TMTC1: variants seen among roughly 807,000 people sequenced by gnomAD.
TMTC1 encodes the protein transmembrane O-mannosyltransferase targeting cadherins 1, also known as protein O-mannosyl-transferase TMTC1.
Under a neutral mutation model 104.8 loss-of-function variants are expected in TMTC1, and 73 were observed. The observed-to-expected ratio is 0.70, with a 90% CI of 0.58 to 0.85. TMTC1 has a LOEUF of 0.85. Ranked by LOEUF, TMTC1 falls within the 40% of genes least tolerant of loss-of-function variation. The pLI is 0.00. For synonymous variants in TMTC1, 434 were observed against 428.7 expected, an observed-to-expected ratio of 1.01 and a Z score of -0.15; for missense variants, 1,035 against 1,096.1, an observed-to-expected ratio of 0.94 and a Z score of 0.79.
chr12:29,650,431 T>C (rs1030427361), intron 5 of TMTC1, among the ~76,000 whole-genome samples: 2 of 152,004 alleles, frequency 1.3e-5, no homozygotes, highest in Non-Finnish European at 2.9e-5. Context: ...TCACCTCTCT[T>C]CCTGAGGTGA....
At chr12:29,724,462 C>T (rs944553264) in intron 5 of TMTC1, among the ~76,000 whole-genome samples, 40 of 152,112 alleles carry the variant, frequency 2.6e-4, no homozygotes, top group African/African-American at 9.7e-4. Context: ...TTCACAAAAG[C>T]ACTATTGACA....
At chr12:29,607,120 C>A (rs896577014) in intron 6 of TMTC1, among the ~76,000 whole-genome samples, 2 of 152,200 alleles carry the variant, frequency 1.3e-5, no homozygotes, top group Non-Finnish European at 2.9e-5. Context: ...CACAGGGCTG[C>A]GTGTTCATCT....
At chr12:29,620,993 G>T (rs897133509) in intron 6 of TMTC1, among the ~76,000 whole-genome samples, 3 of 152,218 alleles carry the variant, frequency 2.0e-5, no homozygotes. Flanking sequence ...TGGTCTCCAG[G>T]CAGAACAAGA....
intron 5 of TMTC1, among the ~76,000 whole-genome samples, chr12:29,706,833 T>C (rs1294596372): frequency 6.6e-6 from 1 of 151,604 alleles, no homozygotes. Context: ...TTGTTGGGGG[T>C]GATGAAGGAT....
At chr12:29,722,421 A>G (rs1025825078) in intron 5 of TMTC1, among the ~76,000 whole-genome samples, 2 of 152,228 alleles carry the variant, frequency 1.3e-5, no homozygotes, top group Admixed American at 1.3e-4. Flanking sequence ...ATTACTTGGT[A>G]ACCAATAATA....
chr12:29,638,834 T>C (rs1442065693), intron 5 of TMTC1, among the ~76,000 whole-genome samples: 1 of 152,214 alleles, frequency 6.6e-6, no homozygotes, highest in Non-Finnish European at 1.5e-5. Flanking sequence ...CACTAGGTTT[T>C]GGTGATCTGT....
chr12:29,649,106 G>A (rs1307503802), intron 5 of TMTC1, among the ~76,000 whole-genome samples: 2 of 151,780 alleles, frequency 1.3e-5, no homozygotes, highest in Admixed American at 1.3e-4. Context: ...TCTCCCCTTG[G>A]CTGCAGCCCC....
At chr12:29,572,036 G>A in intron 9 of TMTC1, 69 bp downstream of exon 9, 1 of 1,233,014 alleles carries the variant, frequency 8.1e-7, no homozygotes, top group Non-Finnish European at 1.2e-6. Context: ...CATATACTGG[G>A]AGGGCCAAGT....
chr12:29,736,472 T>G (rs894459978), intron 5 of TMTC1, among the ~76,000 whole-genome samples: 1 of 151,942 alleles, frequency 6.6e-6, no homozygotes, highest in Non-Finnish European at 1.5e-5. Flanking sequence ...CAGGCTGGAG[T>G]GCAGTGGCGC....
At chr12:29,613,506 A>G (rs1447868092) in intron 6 of TMTC1, among the ~76,000 whole-genome samples, 1 of 152,204 alleles carries the variant, frequency 6.6e-6, no homozygotes, top group East Asian at 1.9e-4. Context: ...CTGTGGCACA[A>G]GTAATGCCAC....
intron 6 of TMTC1, among the ~76,000 whole-genome samples, chr12:29,616,806 G>A (rs745651499): frequency 6.6e-6 from 1 of 152,038 alleles, no homozygotes; most frequent in Non-Finnish European, 1.5e-5. Context: ...GCATAGTGGT[G>A]GCTCCAGCTG....
At chr12:29,510,628 C>T (rs1402755515) in intron 17 of TMTC1, among the ~76,000 whole-genome samples, 2 of 152,088 alleles carry the variant, frequency 1.3e-5, no homozygotes, top group East Asian at 1.9e-4. Context: ...TTTGTGTAAT[C>T]GTAGGTCATC....
intron 6 of TMTC1, among the ~76,000 whole-genome samples, chr12:29,620,598 T>C (rs1947106425): frequency 6.6e-6 from 1 of 152,248 alleles, no homozygotes; most frequent in Non-Finnish European, 1.5e-5. Context: ...TCTTTAAATA[T>C]GTTCCATTTT....
intron 4 of TMTC1, among the ~76,000 whole-genome samples, chr12:29,754,664 C>T (rs927576873): frequency 3.3e-5 from 5 of 152,138 alleles, no homozygotes; most frequent in African/African-American, 7.2e-5. Context: ...CTCTGGCTCA[C>T]GGTTTTCTTG....
At chr12:29,734,627 T>C (rs1212403914) in intron 5 of TMTC1, among the ~76,000 whole-genome samples, 1 of 152,244 alleles carries the variant, frequency 6.6e-6, no homozygotes, top group Admixed American at 6.5e-5. Flanking sequence ...CAAAATACTT[T>C]AAGAATATAC....
chr12:29,529,920 T>G (rs992240641), intron 11 of TMTC1: 1 of 152,138 alleles, frequency 6.6e-6, no homozygotes, highest in Non-Finnish European at 1.5e-5. Context: ...GTGACCACTT[T>G]AAAGATGGAA....
chr12:29,662,957 C>T (rs1404732607), intron 5 of TMTC1, among the ~76,000 whole-genome samples: 1 of 152,174 alleles, frequency 6.6e-6, no homozygotes, highest in African/African-American at 2.4e-5. Flanking sequence ...CTTTCATCTT[C>T]CTTAGCTGCC....
chr12:29,769,941 A>C (rs1299070837), intron 1 of TMTC1, among the ~76,000 whole-genome samples: 2 of 151,884 alleles, frequency 1.3e-5, no homozygotes, highest in African/African-American at 4.8e-5. Context: ...TATATATACA[A>C]ATACATACAT....
At chr12:29,762,970 AAC>A (rs1452812207) in intron 2 of TMTC1, among the ~76,000 whole-genome samples, 38 of 152,354 alleles carry the variant, frequency 2.5e-4, no homozygotes, top group African/African-American at 8.9e-4. Flanking sequence ...GCTCTCTAGC[AAC>A]AGTCTTGAGA....
Sources: gnomAD v4.1 joint callset for allele counts (sites outside exome capture counted in the v4.1 genomes callset) on GRCh38, gnomAD v4.1.1 for gene constraint, MANE v1.5 for transcripts, NCBI Gene and HGNC (gene_info 2026-07-23, HGNC 2026-07-21) for gene names.